The following RASGRF2 variants were observed in gnomAD, a reference collection of about 807,000 sequenced individuals.
RASGRF2 encodes ras-specific guanine nucleotide-releasing factor 2.
Under a neutral mutation model 151.0 loss-of-function variants are expected in RASGRF2, and 76 were observed. The ratio of observed to expected loss-of-function variants is 0.50; its 90% CI spans 0.42 to 0.61. RASGRF2 has a LOEUF of 0.61. Among genes scored for constraint, RASGRF2 ranks in the 20% least tolerant of loss-of-function variants. The pLI, the probability that RASGRF2 is intolerant of heterozygous loss-of-function variation, is 0.00. For synonymous variants in RASGRF2, 504 were observed against 566.5 expected, an observed-to-expected ratio of 0.89 and a Z score of 1.57; for missense variants, 1,148 against 1,564.6, an observed-to-expected ratio of 0.73 and a Z score of 4.49.
In RASGRF2 at chr5:81,174,548, G is replaced by C. The variant is rs569991376; in HGVS notation, c.2687-5627G>C. Among the ~76,000 whole-genome samples, 4 of 152,310 alleles carry C rather than the reference G, an allele frequency of 2.6e-5. No homozygotes were observed. In the South Asian group the frequency reaches 8.3e-4, roughly 32 times the overall value. ...CAAAGCAGGCACAGTGACAAGAGGA[G>C]AAGCATCTTCTGCTTTTTCCTCAGC... On this transcript the variant is annotated intron_variant, in intron 17 of 26. Transcript: ENST00000265080.
At chr5:81,153,381 T>C (rs76360570) in intron 17 of RASGRF2, among the ~76,000 whole-genome samples, 5,662 of 152,290 alleles carry the variant, frequency 0.037, 237 homozygotes, top group African/African-American at 0.097. Context: ...GAAGAGTCAG[T>C]GTCAGATAAT....
intron 17 of RASGRF2, among the ~76,000 whole-genome samples, chr5:81,161,445 T>C (rs1202765615): frequency 1.3e-5 from 2 of 152,208 alleles, no homozygotes; most frequent in East Asian, 3.8e-4. Context: ...TTCTGAGGTA[T>C]GACCTTGAAA....
At position 81,207,368 on chromosome 5, in the gene RASGRF2, A is replaced by G. The variant is rs748509618; in HGVS notation, c.3071+19A>G. The G allele has an allele frequency of 2.5e-6, 4 of 1,599,574 alleles. No homozygotes were observed. The highest frequency in any genetic ancestry group is 3.3e-5 in the Admixed American group (2 of 59,940). On this transcript the variant is annotated intron_variant, in intron 21 of 26. Transcript: ENST00000265080. ...CCTACGAGTGAGTGCCACCCCCCAC[A>G]GCAGCAGGGCTCGGCTGCTCTAGCT...
intron 1 of RASGRF2, among the ~76,000 whole-genome samples, chr5:81,028,948 C>T (rs1262507938): frequency 2.6e-5 from 4 of 152,204 alleles, no homozygotes; most frequent in African/African-American, 7.2e-5. Context: ...ACACTCCCAA[C>T]CTAACACTGC....
At chr5:81,112,351 G>C (rs1016382830) in intron 13 of RASGRF2, among the ~76,000 whole-genome samples, 1 of 152,184 alleles carries the variant, frequency 6.6e-6, no homozygotes, top group Admixed American at 6.5e-5. Context: ...AAGTATACAG[G>C]AGGATGTGCA....
chr5:81,220,431 T>C (rs558283978), intron 26 of RASGRF2, among the ~76,000 whole-genome samples: 69 of 152,344 alleles, frequency 4.5e-4, no homozygotes, highest in African/African-American at 1.6e-3. Flanking sequence ...TCCCTATTAT[T>C]ATCTTACATT....
At chr5:81,089,743 CTT>C (rs1418519589) in intron 9 of RASGRF2, among the ~76,000 whole-genome samples, 1 of 152,166 alleles carries the variant, frequency 6.6e-6, no homozygotes, top group Admixed American at 6.5e-5. Context: ...ATTTACTTAA[CTT>C]CTCTATGCCT....
Position 81,227,206 on chromosome 5 carries a change from G to A in RASGRF2, c.*1436G>A, listed in dbSNP as rs1756018650. The A allele has an allele frequency of 6.6e-6, 1 of 152,152 alleles. No homozygotes were observed. Among genetic ancestry groups the A allele is most frequent in the African/African-American group, 2.4e-5 (1 of 41,414 alleles). 9.4% of individuals were successfully genotyped at this position (152,152 alleles called of 1,614,324 possible). A position where few individuals can be genotyped will look rare whatever the true frequency, so the allele number is the denominator to read the frequency against. The stretch of plus-strand genomic sequence containing the variant: ...CCCTCTTTCCTTGCACTTTAATTAT[G>A]TTGCTAGAGCTAACAGACTAATAAA... On this transcript the variant is annotated 3_prime_UTR_variant, in exon 27 of 27. Transcript: ENST00000265080.
At chr5:81,137,961 T>G (rs1753792697) in intron 17 of RASGRF2, among the ~76,000 whole-genome samples, 1 of 152,216 alleles carries the variant, frequency 6.6e-6, no homozygotes, top group African/African-American at 2.4e-5. Flanking sequence ...GTGTGAAGAT[T>G]TATGTTATCT....
intron 24 of RASGRF2, chr5:81,216,854 C>CT (rs1561264803): frequency 2.8e-6 from 1 of 358,858 alleles, no homozygotes; most frequent in Non-Finnish European, 5.6e-6. Context: ...TCACCTTAGT[C>CT]TGAGTTGTGA....
rs1755755214 is a variant in RASGRF2 at position 81,217,061 on chromosome 5, T to G, written c.3435-295T>G. 3 of 447,184 alleles carry G rather than the reference T, an allele frequency of 6.7e-6. No individual in the cohort carries two copies. The Admixed American group carries it at 8.7e-5, about 13-fold the overall frequency. 27.7% of individuals were successfully genotyped at this position (447,184 alleles called of 1,614,324 possible). On this transcript the variant is annotated intron_variant, in intron 24 of 26. Coordinates refer to ENST00000265080, the MANE Select transcript of RASGRF2 (RefSeq NM_006909.3). The stretch of plus-strand genomic sequence containing the variant: ...AAAAGTGTGGGCAGTTTACAAGTAT[T>G]GCAAACAATTACTGCTAGCAAATGC...
At chr5:81,027,240 A>C (rs1750067731) in intron 1 of RASGRF2, among the ~76,000 whole-genome samples, 1 of 152,212 alleles carries the variant, frequency 6.6e-6, no homozygotes, top group African/African-American at 2.4e-5. Flanking sequence ...TATGGGCTTT[A>C]GTTAATAATT....
intron 9 of RASGRF2, chr5:81,088,372 A>G (rs1263904801): frequency 6.6e-6 from 1 of 152,186 alleles, no homozygotes; most frequent in East Asian, 1.9e-4. Flanking sequence ...TTTACCTTCC[A>G]CTTGTTTCCA....
chr5:81,011,898 T>G (rs1263462679), intron 1 of RASGRF2, among the ~76,000 whole-genome samples: 1 of 152,228 alleles, frequency 6.6e-6, no homozygotes, highest in Non-Finnish European at 1.5e-5. Context: ...TATATATATT[T>G]CTTTTTCTTT....
chr5:81,037,596 A>G (rs371895660), intron 1 of RASGRF2, among the ~76,000 whole-genome samples: 7 of 152,312 alleles, frequency 4.6e-5, no homozygotes, highest in South Asian at 2.1e-4. Flanking sequence ...AGAAAGTTTA[A>G]TATTTGTGTA....
chr5:81,099,907 C>CTTTTTTTTTTTTTTTTTTT (rs577876645), intron 12 of RASGRF2, among the ~76,000 whole-genome samples: 1 of 125,026 alleles, frequency 8.0e-6, no homozygotes, highest in Non-Finnish European at 1.6e-5. Context: ...TTTCTTTTTT[C>CTTTTTTTTTTTTTTTTTTT]TTTTTTTTTT....
intron 12 of RASGRF2, among the ~76,000 whole-genome samples, chr5:81,108,624 A>G (rs140048122): frequency 1.3e-5 from 2 of 152,326 alleles, no homozygotes; most frequent in East Asian, 3.9e-4. Context: ...AGCAAGAGCA[A>G]TCATGGTCAG....
intron 1 of RASGRF2, among the ~76,000 whole-genome samples, chr5:80,998,717 T>C (rs1221631434): frequency 1.3e-5 from 2 of 152,190 alleles, no homozygotes; most frequent in Non-Finnish European, 2.9e-5. Flanking sequence ...CGCTCCACCC[T>C]TTTTCACCCT....
At chr5:80,984,588 A>G (rs1465428397) in intron 1 of RASGRF2, among the ~76,000 whole-genome samples, 1 of 152,242 alleles carries the variant, frequency 6.6e-6, no homozygotes, top group Non-Finnish European at 1.5e-5. Context: ...TTAAAAATCT[A>G]TGAGGTATAC....
Sources: gnomAD v4.1 joint callset for allele counts (sites outside exome capture counted in the v4.1 genomes callset) on GRCh38, gnomAD v4.1.1 for gene constraint, MANE v1.5 for transcripts, NCBI Gene and HGNC (gene_info 2026-07-23, HGNC 2026-07-21) for gene names.